Variants in SHC3 observed in about 807,000 individuals in gnomAD.
SHC3 encodes SHC adaptor protein 3.
Under a neutral mutation model 60.4 loss-of-function variants are expected in SHC3, and 15 were observed. The ratio of observed to expected loss-of-function variants is 0.25; its 90% CI spans 0.17 to 0.38. SHC3 has a LOEUF of 0.38. SHC3 is among the 10% of genes least tolerant of loss of function. The pLI is 1.00. For missense variants in SHC3, 677 were observed against 786.1 expected (o/e 0.86, Z 1.66); for synonymous variants, 294 against 325.9 (o/e 0.90, Z 1.05).
intron 1 of SHC3, among the ~76,000 whole-genome samples, chr9:89,177,000 G>A (rs941153930): frequency 2.6e-5 from 4 of 152,222 alleles, no homozygotes; most frequent in Non-Finnish European, 5.9e-5. Context: ...ACACGGTGGG[G>A]ATAGAGTTTG....
At chr9:89,080,315 C>T in intron 2 of SHC3, among the ~76,000 whole-genome samples, 1 of 152,244 alleles carries the variant, frequency 6.6e-6, no homozygotes, top group Non-Finnish European at 1.5e-5. Context: ...AAATCAAGAC[C>T]TCAGAACTCG....
At chr9:89,021,288 C>G (rs575976936) in intron 11 of SHC3, among the ~76,000 whole-genome samples, 4 of 152,322 alleles carry the variant, frequency 2.6e-5, no homozygotes, top group Admixed American at 2.6e-4. Flanking sequence ...ACCTTGGGAA[C>G]TGTGCCATCT....
At chr9:89,059,592 CATGGTGTAGGACGTG>C (rs1825033748) in intron 6 of SHC3, among the ~76,000 whole-genome samples, 2 of 96,106 alleles carry the variant, frequency 2.1e-5, no homozygotes, top group South Asian at 3.8e-4. Flanking sequence ...TGGTGGAGGA[CATGGTGTAGGACGTG>C]GTGCAGGGCG....
At chr9:89,136,657 C>T (rs1826324179) in intron 1 of SHC3, among the ~76,000 whole-genome samples, 1 of 152,216 alleles carries the variant, frequency 6.6e-6, no homozygotes, top group African/African-American at 2.4e-5. Context: ...GGGCAACCAG[C>T]AGCCGTTGGC....
At chr9:89,086,097 T>G (rs1201074660) in intron 2 of SHC3, among the ~76,000 whole-genome samples, 1 of 152,196 alleles carries the variant, frequency 6.6e-6, no homozygotes, top group Non-Finnish European at 1.5e-5. Context: ...AATGTTACCA[T>G]CATCAATATC....
intron 1 of SHC3, among the ~76,000 whole-genome samples, chr9:89,173,504 C>T (rs533301661): frequency 6.6e-6 from 1 of 152,350 alleles, no homozygotes; most frequent in Non-Finnish European, 1.5e-5. Context: ...CGTAGCTTAT[C>T]TTTTTCTTAA....
At position 89,178,062 on chromosome 9, in the gene SHC3, C is replaced by A; in HGVS notation, c.399G>T (p.Pro133=). Residue 133 remains proline (P), a synonymous_variant, in exon 1 of 12, where the codon CCG becomes CCT. Coordinates refer to ENST00000375835, the MANE Select transcript of SHC3 (RefSeq NM_016848.6). This position sits in a 1 kb window ranked among gnomAD's most constrained non-coding sequence, Gnocchi z 6.9. The stretch of plus-strand genomic sequence containing the variant: ...GCGCCCCCCGAGGGGGCCTGGGCAG[C>A]GGCTCGTCGCCGGGCCGGCCCTTCC... ...AARKGRPGDE[P]LPRPPRGAPH... 8.3e-7 allele frequency: 1 copy of A among 1,210,780 alleles called. No homozygotes were observed. The highest frequency in any genetic ancestry group is 1.0e-6 in the Non-Finnish European group (1 of 974,974). The allele number at this position is 1,210,780 out of a possible 1,614,324, so 75.0% of individuals were successfully genotyped here. A position where few individuals can be genotyped will look rare whatever the true frequency, so the allele number is the denominator to read the frequency against.
chr9:89,096,533 G>A (rs952766363), intron 2 of SHC3, among the ~76,000 whole-genome samples: 2 of 152,180 alleles, frequency 1.3e-5, no homozygotes, highest in African/African-American at 2.4e-5. Flanking sequence ...CGAGATTTTT[G>A]TATAAAGTGT....
intron 1 of SHC3, among the ~76,000 whole-genome samples, chr9:89,125,869 C>A (rs1473355582): frequency 3.3e-5 from 5 of 152,132 alleles, no homozygotes; most frequent in East Asian, 1.9e-4. Context: ...AGCAAATAAT[C>A]AAAAAATAAC....
At chr9:89,116,317 A>G (rs1341597523) in intron 1 of SHC3, among the ~76,000 whole-genome samples, 4 of 152,216 alleles carry the variant, frequency 2.6e-5, no homozygotes, top group African/African-American at 9.6e-5. Context: ...TGTGAACACC[A>G]TGACAAACTT....
chr9:89,119,211 A>T (rs1425790158), intron 1 of SHC3, among the ~76,000 whole-genome samples: 1 of 152,160 alleles, frequency 6.6e-6, no homozygotes, highest in Admixed American at 6.5e-5. Context: ...GAGACCTTCA[A>T]ACTACTATAG....
At chr9:89,058,919 GGT>G (rs1275426731) in intron 6 of SHC3, among the ~76,000 whole-genome samples, 2 of 149,968 alleles carry the variant, frequency 1.3e-5, no homozygotes, top group African/African-American at 2.5e-5. Context: ...GGTGGAGGAT[GGT>G]GGTGTTAGGA....
intron 2 of SHC3, among the ~76,000 whole-genome samples, chr9:89,080,133 G>C (rs2118023394): frequency 6.6e-6 from 1 of 152,264 alleles, no homozygotes; most frequent in Non-Finnish European, 1.5e-5. Flanking sequence ...TTTAAGTGTA[G>C]TACGTTTTGG....
chr9:89,129,341 T>C (rs1407824801), intron 1 of SHC3, among the ~76,000 whole-genome samples: 2 of 152,234 alleles, frequency 1.3e-5, no homozygotes, highest in East Asian at 1.9e-4. Flanking sequence ...CTGCAGGATA[T>C]TATCCAGGAA....
chr9:89,028,942 G>A (rs1421467536), intron 11 of SHC3, among the ~76,000 whole-genome samples: 1 of 145,366 alleles, frequency 6.9e-6, no homozygotes, highest in South Asian at 2.2e-4. Flanking sequence ...TTTTTTTTCT[G>A]TTTTCCAAAT....
intron 1 of SHC3, among the ~76,000 whole-genome samples, chr9:89,135,542 G>T (rs1401295443): frequency 6.6e-6 from 1 of 152,014 alleles, no homozygotes; most frequent in Non-Finnish European, 1.5e-5. Context: ...TAAGACTAAG[G>T]CTTATTTTTG....
At chr9:89,047,327 C>A (rs1824790799) in intron 7 of SHC3, among the ~76,000 whole-genome samples, 1 of 152,172 alleles carries the variant, frequency 6.6e-6, no homozygotes, top group Admixed American at 6.5e-5. Flanking sequence ...TGATCCCAAA[C>A]AAAACCAACT....
intron 1 of SHC3, among the ~76,000 whole-genome samples, chr9:89,153,969 A>G (rs769864151): frequency 6.6e-6 from 1 of 152,056 alleles, no homozygotes; most frequent in Non-Finnish European, 1.5e-5. Context: ...TTATAAACAG[A>G]GTGCTGCCGT....
rs181610868 is a variant in SHC3 at position 89,092,950 on chromosome 9, C to T, written c.546-15047G>A. Among the ~76,000 whole-genome samples, 15 of 152,070 alleles carry T rather than the reference C, an allele frequency of 9.9e-5. No homozygotes were observed. In the East Asian group the frequency reaches 2.5e-3, roughly 25 times the overall value. On this transcript the variant is annotated intron_variant, in intron 2 of 11. Transcript: ENST00000375835. ...CATTGTAGTTCATTCCTTTTTATTG[C>T]TGGGTAGTATTTGTATCATGCACAT...
Sources: allele counts gnomAD v4.1 joint callset (sites outside exome capture counted in the v4.1 genomes callset), GRCh38; gene constraint gnomAD v4.1.1; non-coding constraint Gnocchi (gnomAD v3.1); transcripts MANE v1.5; gene names NCBI Gene and HGNC (gene_info 2026-07-23, HGNC 2026-07-21).